Variants in NIN observed in about 807,000 individuals in gnomAD.
NIN encodes ninein.
A neutral mutation model predicts 257.6 loss-of-function variants in NIN; 137 were observed. The observed-to-expected ratio is 0.53, with a 90% CI of 0.46 to 0.61. The LOEUF is 0.61. Among genes scored for constraint, NIN ranks in the 20% least tolerant of loss-of-function variants. The probability of loss-of-function intolerance (pLI) is 0.00; values close to 1 mark genes in which losing one functional copy is unlikely to be tolerated. For missense variants in NIN, 2,439 were observed against 2,501.2 expected, an observed-to-expected ratio of 0.98 and a Z score of 0.53; for synonymous variants, 918 against 919.8, an observed-to-expected ratio of 1.00 and a Z score of 0.04.
intron 5 of NIN, 97 bp from the exon 6 acceptor site, chr14:50,778,901 C>A (rs1269329724): frequency 1.6e-6 from 2 of 1,274,510 alleles, no homozygotes; most frequent in Admixed American, 3.4e-5. Context: ...GCTCTGAAAT[C>A]ATCATCTAAG....
chr14:50,777,679 A>AT lies in NIN; in HGVS notation c.476-541dup, dbSNP rs1457668269. ...TACAGAAACCAACAGTCCAACTGAA[A>AT]TTAAAAAAAAAAAATCAATGGTTGC... is the stretch of plus-strand genomic sequence containing the variant. On this transcript the variant is annotated intron_variant, in intron 6 of 30. Coordinates refer to ENST00000530997, the MANE Select transcript of NIN (RefSeq NM_020921.4). Among the ~76,000 whole-genome samples, 10 of 87,314 alleles carry AT rather than the reference A, an allele frequency of 1.1e-4. No individual in the cohort carries two copies. In the East Asian group the frequency reaches 5.3e-3, roughly 46 times the overall value. The allele number at this position is 87,314 out of a possible 152,430, so 57.3% of individuals were successfully genotyped here. A position where few individuals can be genotyped will look rare whatever the true frequency, so the allele number is the denominator to read the frequency against.
At position 50,776,934 on chromosome 14, in the gene NIN, T is replaced by C; in HGVS notation, c.666+15A>G. 6.2e-7 allele frequency: 1 copy of C among 1,604,276 alleles called. No homozygotes were observed. Among genetic ancestry groups the C allele is most frequent in the Non-Finnish European group, 8.5e-7 (1 of 1,174,776 alleles). ...TACCATCATTATCATTCCTGAATTA[T>C]ACTGCGAGGCTTACCTCTCCATCCA... On this transcript the variant is annotated intron_variant, in intron 7 of 30. Transcript: ENST00000530997.
At chr14:50,829,841 A>G (rs1387740977) in intron 2 of NIN, among the ~76,000 whole-genome samples, 1 of 152,130 alleles carries the variant, frequency 6.6e-6, no homozygotes, top group Non-Finnish European at 1.5e-5. Flanking sequence ...GACTGTTCCC[A>G]TCACCTAGTG....
rs534782347 is a variant in NIN at position 50,810,634 on chromosome 14, A to G, written c.184-3816T>C. 2.3e-4 allele frequency among the ~76,000 whole-genome samples: 35 copies of G among 152,302 alleles called. No individual in the cohort carries two copies. In the East Asian group the frequency reaches 5.8e-3, roughly 25 times the overall value. ...AGTATAATACTTCTTACACTTTACA[A>G]AGGTGTTTTTAAAACTCTATTTTTT... On this transcript the variant is annotated intron_variant, in intron 3 of 30. Transcript: ENST00000530997.
At chr14:50,802,089 GAATA>G (rs1331954559) in intron 4 of NIN, among the ~76,000 whole-genome samples, 6 of 152,144 alleles carry the variant, frequency 3.9e-5, no homozygotes, top group Non-Finnish European at 8.8e-5. Flanking sequence ...ACGGCAAATT[GAATA>G]AATAGCTAAT....
intron 5 of NIN, 71 bp downstream of exon 5, chr14:50,792,640 CT>C (rs1162662232): frequency 6.4e-7 from 1 of 1,551,188 alleles, no homozygotes; most frequent in African/African-American, 1.4e-5. Flanking sequence ...CTCAGCTCCC[CT>C]GTCTCTGTGC....
intron 28 of NIN, among the ~76,000 whole-genome samples, chr14:50,731,789 G>A (rs537687364): frequency 1.1e-4 from 16 of 152,292 alleles, no homozygotes; most frequent in African/African-American, 3.8e-4. Context: ...TCGCGCCACT[G>A]CATTCCCACT....
At chr14:50,817,221 C>T (rs2044945286) in intron 3 of NIN, among the ~76,000 whole-genome samples, 1 of 152,204 alleles carries the variant, frequency 6.6e-6, no homozygotes, top group African/African-American at 2.4e-5. Flanking sequence ...ATGACAACCC[C>T]ATCAGCAGCA....
At chr14:50,744,110 A>G in intron 23 of NIN, 133 bp downstream of exon 23, 6 of 932,286 alleles carry the variant, frequency 6.4e-6, no homozygotes, top group Non-Finnish European at 9.6e-6. Context: ...ACAGAATGCC[A>G]AAGAAATGCT....
intron 4 of NIN, among the ~76,000 whole-genome samples, chr14:50,796,633 G>T (rs1035937944): frequency 6.6e-6 from 1 of 152,096 alleles, no homozygotes; most frequent in Non-Finnish European, 1.5e-5. Context: ...TTGACCAGAG[G>T]TCTTGCACTC....
chr14:50,725,825 A>C (rs2040386562), intron 30 of NIN, 128 bp downstream of exon 30: 1 of 1,531,382 alleles, frequency 6.5e-7, no homozygotes, highest in Non-Finnish European at 8.9e-7. Flanking sequence ...GTTCTTACAG[A>C]CATTTATAAT....
At position 50,757,205 on chromosome 14, in the gene NIN, C is replaced by T. The variant is rs372695069; in HGVS notation, c.3825G>A (p.Glu1275=). 6.8e-6 allele frequency: 11 copies of T among 1,613,916 alleles called. No individual in the cohort carries two copies. The African/African-American group carries it at 1.3e-4, about 20-fold the overall frequency. The change falls in exon 18 of 31, where the codon GAG becomes GAA. Residue 1275 remains glutamate, a synonymous_variant. Coordinates refer to ENST00000530997, the MANE Select transcript of NIN (RefSeq NM_020921.4). ...ELRMMETRYD[E]ALENNKELTA... The stretch of plus-strand genomic sequence containing the variant: ...TGAGTTCTTTGTTATTTTCTAGTGC[C>T]TCATCGTAGCGTGTCTCCATCATTC...
chr14:50,820,820 TC>T (rs2045178940), intron 3 of NIN, among the ~76,000 whole-genome samples: 1 of 152,190 alleles, frequency 6.6e-6, no homozygotes. Flanking sequence ...GAGAATATCA[TC>T]TTTTGCACAT....
chr14:50,771,558 G>A (rs2042733313), intron 9 of NIN, 90 bp from the exon 10 acceptor site: 9 of 1,385,910 alleles, frequency 6.5e-6, no homozygotes, highest in African/African-American at 4.3e-5. Flanking sequence ...CAAACTCTGA[G>A]AGCTGACAAT....
chr14:50,732,949 T>C (rs2040792512), intron 28 of NIN, among the ~76,000 whole-genome samples: 1 of 151,876 alleles, frequency 6.6e-6, no homozygotes, highest in South Asian at 2.1e-4. Flanking sequence ...ATCAGGGAAC[T>C]CCCAACACTT....
chr14:50,758,428 C>T lies in NIN; in HGVS notation c.2602G>A (p.Glu868Lys). 6.2e-7 allele frequency: 1 copy of T among 1,614,208 alleles called. No individual in the cohort carries two copies. The highest frequency in any genetic ancestry group is 8.5e-7 in the Non-Finnish European group (1 of 1,180,006). Residue 868 changes from glutamate (E) to lysine (K), a missense_variant, in exon 18 of 31, where the codon GAG (glutamate) becomes AAG (lysine). Glu to Lys is a moderately conservative substitution (Grantham distance 56, BLOSUM62 1). Coordinates refer to ENST00000530997, the MANE Select transcript of NIN (RefSeq NM_020921.4). ...AGCAGCTCCTGGGCTTCCGCACACT[C>T]CTGGGTGAGCTCGTCCTTCTCAAAT... is the stretch of plus-strand genomic sequence containing the variant. Reference protein sequence around the residue: ...WEFEKDELTQECAEAQELLKE... With the variant: ...WEFEKDELTQKCAEAQELLKE...
At chr14:50,776,323 C>G (rs2042922259) in intron 7 of NIN, among the ~76,000 whole-genome samples, 1 of 152,130 alleles carries the variant, frequency 6.6e-6, no homozygotes, top group African/African-American at 2.4e-5. Context: ...GGGGCTCCTT[C>G]AAAACTCTTC....
chr14:50,794,884 C>T (rs563652231), intron 4 of NIN, among the ~76,000 whole-genome samples: 9 of 152,212 alleles, frequency 5.9e-5, no homozygotes, highest in South Asian at 2.1e-4. Context: ...CACTACCCCA[C>T]GTAGTGCATA....
rs754216717 is a variant in NIN, at chr14:50,723,431, G to A, written c.*32C>T. The A allele has an allele frequency of 1.3e-6, 2 of 1,580,942 alleles. No individual in the cohort carries two copies. Among genetic ancestry groups the A allele is most frequent in the Admixed American group, 1.7e-5 (1 of 59,434 alleles). Reference sequence around the variant, plus strand: ...TGAAATGTTCATCTATTTCAGTAAAGTGCACAAATATGAGTGTACCCTTTG... The same window carrying A: ...TGAAATGTTCATCTATTTCAGTAAAATGCACAAATATGAGTGTACCCTTTG... On this transcript the variant is annotated 3_prime_UTR_variant, in exon 31 of 31. Transcript: ENST00000530997.
Sources: allele counts gnomAD v4.1 joint callset (sites outside exome capture counted in the v4.1 genomes callset), GRCh38; gene constraint gnomAD v4.1.1; transcripts MANE v1.5; gene names NCBI Gene and HGNC (gene_info 2026-07-23, HGNC 2026-07-21).